Variants in KASH5 observed in about 807,000 individuals in gnomAD.
KASH5 encodes the protein KASH domain containing 5, also known as protein KASH5.
A neutral mutation model predicts 84.2 loss-of-function variants in KASH5; 72 were observed. That is an observed-to-expected ratio of 0.85 (90% CI 0.71 to 1.04). The LOEUF (loss-of-function observed/expected upper bound fraction) is 1.04. KASH5 is among the 50% of genes least tolerant of loss of function. KASH5 has a pLI of 0.00. For missense variants in KASH5, 650 were observed against 701.0 expected, an observed-to-expected ratio of 0.93 and a Z score of 0.82; for synonymous variants, 260 against 279.1, an observed-to-expected ratio of 0.93 and a Z score of 0.68.
Position 49,399,727 on chromosome 19 carries a change from C to A in KASH5, c.798+220C>A. 1 of 1,367,792 alleles carries A rather than the reference C, an allele frequency of 7.3e-7. No individual in the cohort carries two copies. Among genetic ancestry groups the A allele is most frequent in the Non-Finnish European group, 9.6e-7 (1 of 1,037,480 alleles). 84.7% of individuals were successfully genotyped at this position (1,367,792 alleles called of 1,614,324 possible). A position where few individuals can be genotyped will look rare whatever the true frequency, so the allele number is the denominator to read the frequency against. On this transcript the variant is annotated intron_variant, in intron 9 of 19. Coordinates refer to ENST00000447857, the MANE Select transcript of KASH5 (RefSeq NM_144688.5). This position sits in a 1 kb window ranked among gnomAD's most constrained non-coding sequence, Gnocchi z 4.4. ...CAGCCTACATGGCTTCAGGCTGAGG[C>A]CACCTACATAAGAGTGGACCAGTGC...
chr19:49,400,273 C>T (rs1422332957), intron 9 of KASH5, among the ~76,000 whole-genome samples: 3 of 146,782 alleles, frequency 2.0e-5, no homozygotes, highest in Admixed American at 2.0e-4. Context: ...ACCTTGAGTT[C>T]AAATCCCATC....
chr19:49,399,748 A>G lies in KASH5; in HGVS notation c.798+241A>G. 1.7e-6 allele frequency: 2 copies of G among 1,169,018 alleles called. 1 individual carries two copies. The highest frequency in any genetic ancestry group is 2.3e-6 in the Non-Finnish European group (2 of 866,962). 72.4% of individuals were successfully genotyped at this position (1,169,018 alleles called of 1,614,324 possible). On this transcript the variant is annotated intron_variant, in intron 9 of 19. Transcript: ENST00000447857. The surrounding 1 kb of genome is among the most constrained non-coding windows in gnomAD (Gnocchi z 4.4). Reference sequence around the variant, plus strand: ...GAGGCCACCTACATAAGAGTGGACCAGTGCCTCCCTTCTCTGTGCCTCAGT... The same window carrying G: ...GAGGCCACCTACATAAGAGTGGACCGGTGCCTCCCTTCTCTGTGCCTCAGT...
chr19:49,393,771 A>C (rs1237184765), intron 2 of KASH5: 2 of 150,810 alleles, frequency 1.3e-5, no homozygotes, highest in Admixed American at 1.3e-4. Flanking sequence ...GGTGAGGAGG[A>C]TCACTCTACC....
At chr19:49,404,399 T>A (rs1214133493) in intron 9 of KASH5, among the ~76,000 whole-genome samples, 1 of 152,194 alleles carries the variant, frequency 6.6e-6, no homozygotes, top group Non-Finnish European at 1.5e-5. Context: ...TATGTTCAGG[T>A]CCCATTTCAT....
At chr19:49,405,523 T>C (rs937716206) in intron 9 of KASH5, among the ~76,000 whole-genome samples, 1 of 151,784 alleles carries the variant, frequency 6.6e-6, no homozygotes, top group Non-Finnish European at 1.5e-5. Flanking sequence ...TACTGAGTTA[T>C]TGTTAATTTT....
At chr19:49,413,281 A>G (rs977838311) in intron 16 of KASH5, among the ~76,000 whole-genome samples, 31 of 152,048 alleles carry the variant, frequency 2.0e-4, no homozygotes, top group African/African-American at 7.2e-4. Flanking sequence ...GAATGGGGTG[A>G]GGGGGGGCCT....
intron 9 of KASH5, among the ~76,000 whole-genome samples, chr19:49,402,376 C>A (rs920618130): frequency 6.9e-6 from 1 of 144,790 alleles, no homozygotes; most frequent in African/African-American, 2.5e-5. Context: ...AGTGAGAGCC[C>A]GTCTCTATAA....
Position 49,408,985 on chromosome 19 carries a change from T to G in KASH5, c.1012T>G (p.Ser338Ala), listed in dbSNP as rs2122197866. 1 of 1,589,180 alleles carries G rather than the reference T, an allele frequency of 6.3e-7. No individual in the cohort carries two copies. Among genetic ancestry groups the G allele is most frequent in the African/African-American group, 1.3e-5 (1 of 74,592 alleles). ...TTTGCAGGAACTGAGGCTGGAGATT[T>G]CACGCCTGGAGGAGCAGCTGAGTCA... Reference protein sequence around the residue: ...VTTQELRLEISRLEEQLSQTY... With the variant: ...VTTQELRLEIARLEEQLSQTY... The change falls in exon 13 of 20, where the codon TCA becomes GCA. Residue 338 changes from serine (S) to alanine (A), a missense_variant. Transcript: ENST00000447857.
intron 9 of KASH5, among the ~76,000 whole-genome samples, chr19:49,400,347 T>C (rs1441154146): frequency 6.7e-6 from 1 of 149,890 alleles, no homozygotes; most frequent in Non-Finnish European, 1.5e-5. Flanking sequence ...CCTTTACTTT[T>C]AGTTTCTTTT....
At chr19:49,394,091 C>T (rs1284963448) in intron 2 of KASH5, among the ~76,000 whole-genome samples, 1 of 152,054 alleles carries the variant, frequency 6.6e-6, no homozygotes, top group African/African-American at 2.4e-5. Context: ...GGCTCCTGGG[C>T]CCCCCCTTCA....
chr19:49,417,448 C>T lies in KASH5; in HGVS notation c.1627C>T (p.Pro543Ser), dbSNP rs762561630. The T allele has an allele frequency of 4.4e-5, 69 of 1,555,176 alleles. No individual in the cohort carries two copies. The highest frequency in any genetic ancestry group is 1.7e-4 in the Middle Eastern group (1 of 6,014). Reference sequence around the variant, plus strand: ...GCTGCTCTCTGTCCTGCTGCTTGGCCCGTCCCCACCTCCCACCTGGCCCCA... The same window carrying T: ...GCTGCTCTCTGTCCTGCTGCTTGGCTCGTCCCCACCTCCCACCTGGCCCCA... ...LLLLSVLLLG[P>S]SPPPTWPHLQ... Residue 543 changes from proline to serine, a missense_variant, in exon 20 of 20, where the codon CCG (proline) becomes TCG (serine). Physicochemically the swap from Pro to Ser is moderately conservative, Grantham distance 74. Coordinates refer to ENST00000447857, the MANE Select transcript of KASH5 (RefSeq NM_144688.5). The surrounding 1 kb of genome is among the most constrained non-coding windows in gnomAD (Gnocchi z 5.2).
rs1260660814 is a variant in KASH5, at chr19:49,396,245, T to TTTTTG, written c.400+416_400+417insGTTTT. On this transcript the variant is annotated intron_variant, in intron 5 of 19. Coordinates refer to ENST00000447857, the MANE Select transcript of KASH5 (RefSeq NM_144688.5). ...TCCTTGCTCCCCACCCTGCTGGACTTTTTTTTTTTTTTTTTTTTTTTTTTT... is the reference window on the plus strand; with the variant it reads ...TCCTTGCTCCCCACCCTGCTGGACTTTTTTGTTTTTTTTTTTTTTTTTTTTTTTTT... Among the ~76,000 whole-genome samples the TTTTTG allele has an allele frequency of 1.6e-4, 4 of 25,374 alleles. 1 individual carries two copies. Among genetic ancestry groups the TTTTTG allele is most frequent in the Non-Finnish European group, 8.2e-5 (1 of 12,140 alleles). 16.6% of individuals were successfully genotyped at this position (25,374 alleles called of 152,430 possible).
rs1974240756 is a variant in KASH5 at position 49,398,062 on chromosome 19, T to C, written c.548T>C (p.Leu183Ser). 1.2e-6 allele frequency: 2 copies of C among 1,613,582 alleles called. No homozygotes were observed. Among genetic ancestry groups the C allele is most frequent in the Non-Finnish European group, 1.7e-6 (2 of 1,179,714 alleles). ...CGTCTGGTTGGGGAGAATGCCAAAT[T>C]GCAGCGGAGCATGGAGACAGCTGAG... ...NRRLVGENAK[L>S]QRSMETAEEG... is the part of the protein sequence containing the mutation. Residue 183 changes from leucine to serine, a missense_variant, in exon 7 of 20, where the codon TTG (leucine) becomes TCG (serine). Coordinates refer to ENST00000447857, the MANE Select transcript of KASH5 (RefSeq NM_144688.5).
At position 49,417,042 on chromosome 19, in the gene KASH5, C is replaced by T. The variant is rs777413765; in HGVS notation, c.1402C>T (p.Pro468Ser). 6.3e-7 allele frequency: 1 copy of T among 1,594,318 alleles called. No homozygotes were observed. The highest frequency in any genetic ancestry group is 8.5e-7 in the Non-Finnish European group (1 of 1,170,980). The change falls in exon 18 of 20, where the codon CCT (proline) becomes TCT (serine). Residue 468 changes from proline (P) to serine (S), a missense_variant. Coordinates refer to ENST00000447857, the MANE Select transcript of KASH5 (RefSeq NM_144688.5). The surrounding 1 kb of genome is among the most constrained non-coding windows in gnomAD (Gnocchi z 5.2). ...TADLPVPLGAPRPGDIPENPP... is the reference protein window; with the variant it reads ...TADLPVPLGASRPGDIPENPP... ...TGATCTCCCTGTCCCTCTAGGAGCC[C>T]CTCGCCCTGGAGACATCCCAGAAAA...
chr19:49,394,241 C>T (rs955898739), intron 2 of KASH5, among the ~76,000 whole-genome samples: 1 of 152,116 alleles, frequency 6.6e-6, no homozygotes, highest in African/African-American at 2.4e-5. Flanking sequence ...GCCAATTGGA[C>T]ACAAAAAGAC....
At chr19:49,411,910 GGGAAGGAGGGAAGGAA>G (rs1377098957) in intron 15 of KASH5, among the ~76,000 whole-genome samples, 25 of 127,836 alleles carry the variant, frequency 2.0e-4, no homozygotes, top group African/African-American at 3.0e-4. Context: ...GAGGGAGGGA[GGGAAGGAGGGAAGGAA>G]GGAAGGAAGG....
intron 9 of KASH5, among the ~76,000 whole-genome samples, chr19:49,404,866 C>T (rs1278465866): frequency 6.6e-6 from 1 of 152,156 alleles, no homozygotes. Flanking sequence ...ACAGTCTGGA[C>T]AAGGCCCTGG....
At chr19:49,394,643 T>C in intron 3 of KASH5, 63 bp downstream of exon 3, 1 of 1,307,598 alleles carries the variant, frequency 7.6e-7, no homozygotes, top group South Asian at 1.2e-5. Context: ...GGCTGGGAAC[T>C]GGGGAGCCTC....
At chr19:49,396,071 C>T (rs954743821) in intron 5 of KASH5, among the ~76,000 whole-genome samples, 25 of 152,020 alleles carry the variant, frequency 1.6e-4, no homozygotes, top group African/African-American at 4.6e-4. Flanking sequence ...GAGAGGCCTA[C>T]GAGGCCCCGC....
Sources: gnomAD v4.1 joint callset for allele counts (sites outside exome capture counted in the v4.1 genomes callset) on GRCh38, gnomAD v4.1.1 for gene constraint, Gnocchi (gnomAD v3.1) non-coding constraint, MANE v1.5 for transcripts, NCBI Gene and HGNC (gene_info 2026-07-23, HGNC 2026-07-21) for gene names.